The following ASTN1 variants were observed in gnomAD, a reference collection of about 807,000 sequenced individuals.
The protein encoded by ASTN1 is astrotactin-1.
Under a neutral mutation model 140.7 loss-of-function variants are expected in ASTN1, and 41 were observed. The observed-to-expected ratio is 0.29, with a 90% CI of 0.23 to 0.38. The LOEUF (loss-of-function observed/expected upper bound fraction) is 0.38. ASTN1 is among the 10% of genes least tolerant of loss of function. The probability of loss-of-function intolerance (pLI) is 1.00; values close to 1 mark genes in which losing one functional copy is unlikely to be tolerated. For synonymous variants in ASTN1, 640 were observed against 652.2 expected (o/e 0.98, Z 0.29); for missense variants, 1,479 against 1,678.8 (o/e 0.88, Z 2.08).
At chr1:176,969,338 G>A (rs1673031621) in intron 8 of ASTN1, among the ~76,000 whole-genome samples, 1 of 152,130 alleles carries the variant, frequency 6.6e-6, no homozygotes, top group Admixed American at 6.5e-5. Flanking sequence ...ATGGCCCCTA[G>A]CCGTATGGGC....
chr1:177,159,336 C>G (rs1326773954), intron 1 of ASTN1, among the ~76,000 whole-genome samples: 2 of 152,142 alleles, frequency 1.3e-5, no homozygotes, highest in African/African-American at 4.8e-5. Flanking sequence ...CATTCATCTA[C>G]TATGTCTTGG....
intron 8 of ASTN1, among the ~76,000 whole-genome samples, chr1:176,985,845 T>TCTACAC (rs1373839321): frequency 2.3e-5 from 3 of 129,668 alleles, no homozygotes; most frequent in African/African-American, 6.0e-5. Context: ...TCTCTCTCTC[T>TCTACAC]ACACACACAC....
intron 22 of ASTN1, among the ~76,000 whole-genome samples, chr1:176,865,606 A>T (rs186494666): frequency 6.6e-4 from 101 of 152,308 alleles, no homozygotes; most frequent in South Asian, 1.2e-3. Flanking sequence ...CTCAATGAAG[A>T]CTACTGACTT....
intron 8 of ASTN1, among the ~76,000 whole-genome samples, chr1:176,995,533 T>C (rs1395111442): frequency 1.3e-5 from 2 of 152,126 alleles, no homozygotes; most frequent in African/African-American, 4.8e-5. Context: ...CACTGAAATG[T>C]AGGATAGCAC....
intron 17 of ASTN1, among the ~76,000 whole-genome samples, chr1:176,891,046 TA>T (rs112092448): frequency 6.0e-4 from 87 of 144,162 alleles, no homozygotes; most frequent in African/African-American, 1.5e-3. Context: ...AAATTAAAAT[TA>T]AAAAAAAAAA....
intron 1 of ASTN1, among the ~76,000 whole-genome samples, chr1:177,152,792 A>G (rs1204626664): frequency 6.6e-6 from 1 of 152,170 alleles, no homozygotes; most frequent in Non-Finnish European, 1.5e-5. Flanking sequence ...AAAGAATAGC[A>G]GCAAAGGGTG....
chr1:176,883,368 GATTACA>G (rs1341360151), intron 19 of ASTN1, among the ~76,000 whole-genome samples: 2 of 151,998 alleles, frequency 1.3e-5, no homozygotes, highest in African/African-American at 4.8e-5. Flanking sequence ...AAGTAGCTGA[GATTACA>G]GGCACATGCC....
intron 16 of ASTN1, 60 bp from the exon 17 acceptor site, chr1:176,894,890 C>A: frequency 3.1e-6 from 5 of 1,595,414 alleles, no homozygotes; most frequent in Non-Finnish European, 4.3e-6. Context: ...ACTATCATGA[C>A]CTCGTGGCCC....
intron 21 of ASTN1, among the ~76,000 whole-genome samples, chr1:176,869,373 G>C (rs2103012980): frequency 6.6e-6 from 1 of 152,170 alleles, no homozygotes; most frequent in Admixed American, 6.5e-5. Context: ...AAAATAAAAG[G>C]CTTTGACTAG....
rs75420727 is a variant in ASTN1 at position 177,117,453 on chromosome 1, G to A, written c.283+46941C>T. ...CAGATATTTACCGAGAATCTACTGCGTGCCAGGCACTGGGTTGAGCTCTTG... is the reference window on the plus strand; with the variant it reads ...CAGATATTTACCGAGAATCTACTGCATGCCAGGCACTGGGTTGAGCTCTTG... On this transcript the variant is annotated intron_variant, in intron 1 of 22. Transcript: ENST00000361833. 3.7e-3 allele frequency among the ~76,000 whole-genome samples: 569 copies of A among 152,196 alleles called. 3 individuals carry two copies. The highest frequency in any genetic ancestry group is 0.012 in the African/African-American group (496 of 41,532).
intron 3 of ASTN1, 70 bp from the exon 4 acceptor site, chr1:177,031,022 T>A: frequency 1.3e-6 from 2 of 1,501,702 alleles, no homozygotes; most frequent in Non-Finnish European, 1.8e-6. Flanking sequence ...GAAGGAAATC[T>A]GCATAAACCA....
At chr1:177,133,338 A>G (rs546170767) in intron 1 of ASTN1, among the ~76,000 whole-genome samples, 52 of 152,340 alleles carry the variant, frequency 3.4e-4, no homozygotes, top group Middle Eastern at 6.8e-3. Context: ...TCTAGATGCA[A>G]AGCCCAAGCT....
chr1:177,111,433 T>C (rs183352132), intron 1 of ASTN1, among the ~76,000 whole-genome samples: 2 of 148,578 alleles, frequency 1.3e-5, no homozygotes, highest in East Asian at 4.1e-4. Flanking sequence ...AGGTCTGGGG[T>C]GGACCCTTAG....
intron 22 of ASTN1, among the ~76,000 whole-genome samples, chr1:176,868,484 A>C (rs1247546331): frequency 1.3e-5 from 2 of 152,236 alleles, no homozygotes; most frequent in Admixed American, 6.5e-5. Flanking sequence ...ATGCAAAAAA[A>C]ATTTTTAGAT....
chr1:176,879,776 G>A (rs1251822210), intron 20 of ASTN1, among the ~76,000 whole-genome samples: 1 of 152,306 alleles, frequency 6.6e-6, no homozygotes, highest in African/African-American at 2.4e-5. Context: ...CATGAAGCAG[G>A]TATTAGAAAA....
rs141337236 is a variant in ASTN1, at chr1:176,933,712, A to G, written c.2671+440T>C. ...AAAATGAGCCTATGCAGAGGGCAGG[A>G]TGAAGCAAGAAGGGGTTTACTATGT... On this transcript the variant is annotated intron_variant, in intron 16 of 22. Transcript: ENST00000361833. 2.3e-4 allele frequency among the ~76,000 whole-genome samples: 35 copies of G among 152,320 alleles called. 1 individual carries two copies. The highest frequency in any genetic ancestry group is 8.2e-4 in the African/African-American group (34 of 41,570).
At chr1:177,155,495 A>T (rs1421487457) in intron 1 of ASTN1, among the ~76,000 whole-genome samples, 1 of 152,262 alleles carries the variant, frequency 6.6e-6, no homozygotes, top group Non-Finnish European at 1.5e-5. Flanking sequence ...AAGCAACTTT[A>T]GAGTAATCTG....
chr1:177,034,397 C>G (rs1254453323), intron 2 of ASTN1, among the ~76,000 whole-genome samples: 1 of 152,156 alleles, frequency 6.6e-6, no homozygotes, highest in Non-Finnish European at 1.5e-5. Flanking sequence ...TGCTGACCTC[C>G]TGGTTTTCAA....
chr1:177,064,758 T>C (rs1678268150), intron 1 of ASTN1, among the ~76,000 whole-genome samples: 1 of 152,342 alleles, frequency 6.6e-6, no homozygotes, highest in Admixed American at 6.5e-5. Flanking sequence ...TCAAGATAAT[T>C]ACCTAATGAT....
Sources: gnomAD v4.1 joint callset for allele counts (sites outside exome capture counted in the v4.1 genomes callset) on GRCh38, gnomAD v4.1.1 for gene constraint, MANE v1.5 for transcripts, NCBI Gene and HGNC (gene_info 2026-07-23, HGNC 2026-07-21) for gene names.